Variants in ACER3 observed in about 807,000 individuals in gnomAD.
ACER3 encodes alkCDase 3.
A neutral mutation model predicts 48.9 loss-of-function variants in ACER3; 16 were observed. That is an observed-to-expected ratio of 0.33 (90% CI 0.22 to 0.50). ACER3 has a LOEUF of 0.50. ACER3 is among the 20% of genes least tolerant of loss of function. ACER3 has a pLI of 0.98. For missense variants in ACER3, 227 were observed against 326.0 expected (o/e 0.70, Z 2.34); for synonymous variants, 109 against 107.8 (o/e 1.01, Z -0.07).
chr11:76,952,753 G>A (rs1947718997), intron 2 of ACER3, among the ~76,000 whole-genome samples: 1 of 141,558 alleles, frequency 7.1e-6, no homozygotes, highest in African/African-American at 2.6e-5. Flanking sequence ...TGTAACCTCC[G>A]CCTCCCAGGT....
At chr11:76,963,632 T>G (rs1035130951) in intron 3 of ACER3, among the ~76,000 whole-genome samples, 1 of 151,380 alleles carries the variant, frequency 6.6e-6, no homozygotes, top group Non-Finnish European at 1.5e-5. Context: ...GTCCACACCC[T>G]GTTTTTCAGG....
intron 1 of ACER3, among the ~76,000 whole-genome samples, chr11:76,889,525 A>G (rs1945755272): frequency 6.6e-6 from 1 of 152,228 alleles, no homozygotes; most frequent in Non-Finnish European, 1.5e-5. Context: ...AGTGCATCAG[A>G]TGATCAGTAT....
intron 2 of ACER3, among the ~76,000 whole-genome samples, chr11:76,942,348 C>T (rs561025022): frequency 2.0e-5 from 3 of 151,698 alleles, no homozygotes; most frequent in African/African-American, 2.4e-5. Flanking sequence ...TCCTTCTATG[C>T]CTTGTTGAGG....
intron 1 of ACER3, among the ~76,000 whole-genome samples, chr11:76,861,452 G>T (rs1944936441): frequency 6.6e-6 from 1 of 152,104 alleles, no homozygotes; most frequent in South Asian, 2.1e-4. Flanking sequence ...CTGCCCCTTG[G>T]AATGAGGGCC....
chr11:76,974,327 G>A (rs1948381352), intron 3 of ACER3, among the ~76,000 whole-genome samples: 1 of 152,288 alleles, frequency 6.6e-6, no homozygotes, highest in African/African-American at 2.4e-5. Context: ...AGGGCTTGAT[G>A]CCATATGGGT....
In ACER3 at chr11:76,993,421, CAAG is replaced by C. The variant is rs549917364; in HGVS notation, c.438+2852_438+2854del. Among the ~76,000 whole-genome samples, 278 of 152,284 alleles carry C rather than the reference CAAG, an allele frequency of 1.8e-3. 1 individual carries two copies. The highest frequency in any genetic ancestry group is 5.8e-3 in the African/African-American group (242 of 41,556). On this transcript the variant is annotated intron_variant, in intron 6 of 10. Coordinates refer to ENST00000532485, the MANE Select transcript of ACER3 (RefSeq NM_018367.7). The stretch of plus-strand genomic sequence containing the variant: ...GCAAATAAGATATGGCCACTAATCT[CAAG>C]AAGATCATTGTCTAATCAGTAATAC...
intron 1 of ACER3, among the ~76,000 whole-genome samples, chr11:76,871,208 C>A (rs1945233158): frequency 6.6e-6 from 1 of 152,152 alleles, no homozygotes; most frequent in Non-Finnish European, 1.5e-5. Flanking sequence ...AATTTACTTA[C>A]AATAAAATGC....
chr11:76,970,057 A>G (rs1216471709), intron 3 of ACER3, among the ~76,000 whole-genome samples: 2 of 152,062 alleles, frequency 1.3e-5, no homozygotes, highest in Admixed American at 1.3e-4. Context: ...TGTGATTATA[A>G]TTTGGTAATG....
chr11:76,987,077 A>C (rs541472179), intron 5 of ACER3, among the ~76,000 whole-genome samples: 14 of 152,342 alleles, frequency 9.2e-5, no homozygotes, highest in Non-Finnish European at 2.1e-4. Flanking sequence ...AAAAGAAAAA[A>C]AAGAAAAGAA....
At chr11:76,993,238 T>A (rs557943139) in intron 6 of ACER3, among the ~76,000 whole-genome samples, 1 of 152,284 alleles carries the variant, frequency 6.6e-6, no homozygotes, top group South Asian at 2.1e-4. Context: ...AAGAGATACA[T>A]ATACTAGTGA....
intron 2 of ACER3, among the ~76,000 whole-genome samples, chr11:76,928,080 G>C (rs1046850835): frequency 3.3e-5 from 5 of 152,160 alleles, no homozygotes; most frequent in African/African-American, 9.7e-5. Context: ...CCCACCGACA[G>C]TATAAAAGTG....
At chr11:76,878,860 G>A (rs1438049394) in intron 1 of ACER3, among the ~76,000 whole-genome samples, 1 of 151,908 alleles carries the variant, frequency 6.6e-6, no homozygotes, top group Non-Finnish European at 1.5e-5. Context: ...TATCCATTCT[G>A]GAGTGTGTGT....
rs926414845 is a variant in ACER3, at chr11:76,861,089, G to T, written c.103+10G>T. ...TACATCGCCGAGTTCTGTGAGTGTG[G>T]CCTGAGGAGGGGAGTGGGGGCGAGA... On this transcript the variant is annotated intron_variant, in intron 1 of 10. Coordinates refer to ENST00000532485, the MANE Select transcript of ACER3 (RefSeq NM_018367.7). The T allele has an allele frequency of 2.0e-6, 3 of 1,538,314 alleles. No homozygotes were observed. Among genetic ancestry groups the T allele is most frequent in the African/African-American group, 2.8e-5 (2 of 72,390 alleles).
intron 7 of ACER3, among the ~76,000 whole-genome samples, chr11:77,005,268 C>G (rs2135284549): frequency 6.6e-6 from 1 of 152,222 alleles, no homozygotes; most frequent in East Asian, 1.9e-4. Flanking sequence ...ATCTCCTGAC[C>G]TTGTGATCCG....
At chr11:76,957,438 T>TTG (rs913955214) in intron 2 of ACER3, 15 of 451,992 alleles carry the variant, frequency 3.3e-5, no homozygotes, top group Admixed American at 1.2e-4. Context: ...TTTTAACTTT[T>TTG]TGTGTGTGTG....
chr11:76,923,084 G>A (rs1408992030), intron 1 of ACER3, among the ~76,000 whole-genome samples: 1 of 151,476 alleles, frequency 6.6e-6, no homozygotes, highest in East Asian at 1.9e-4. Flanking sequence ...AAAACCAGAA[G>A]GCAATGTTCT....
At chr11:76,969,450 T>A (rs1948232596) in intron 3 of ACER3, among the ~76,000 whole-genome samples, 1 of 152,180 alleles carries the variant, frequency 6.6e-6, no homozygotes, top group African/African-American at 2.4e-5. Context: ...ATTGGGTATA[T>A]ACTCAAAGGA....
At chr11:76,865,810 CT>C (rs372481140) in intron 1 of ACER3, among the ~76,000 whole-genome samples, 2,636 of 130,550 alleles carry the variant, frequency 0.02, 56 homozygotes, top group African/African-American at 0.063. Flanking sequence ...TGCCCAGCAT[CT>C]TTTTTTTTTT....
intron 1 of ACER3, among the ~76,000 whole-genome samples, chr11:76,924,993 A>AAC (rs1555002082): frequency 6.7e-6 from 1 of 149,762 alleles, no homozygotes; most frequent in Non-Finnish European, 1.5e-5. Flanking sequence ...AAAAAAAAAA[A>AAC]CACCAAAAAT....
Sources: gnomAD v4.1 joint callset for allele counts (sites outside exome capture counted in the v4.1 genomes callset) on GRCh38, gnomAD v4.1.1 for gene constraint, MANE v1.5 for transcripts, NCBI Gene and HGNC (gene_info 2026-07-23, HGNC 2026-07-21) for gene names.